Variants in VWA3B observed in about 807,000 individuals in gnomAD.
VWA3B encodes the protein von Willebrand factor A domain-containing protein 3B.
A neutral mutation model predicts 158.3 loss-of-function variants in VWA3B; 138 were observed. The ratio of observed to expected loss-of-function variants is 0.87; its 90% CI spans 0.76 to 1.00. The LOEUF is 1.00. VWA3B is among the 50% of genes least tolerant of loss of function. The pLI is 0.00. For missense variants in VWA3B, 1,555 were observed against 1,565.1 expected, an observed-to-expected ratio of 0.99 and a Z score of 0.11; for synonymous variants, 596 against 587.3, an observed-to-expected ratio of 1.01 and a Z score of -0.21.
intron 8 of VWA3B, among the ~76,000 whole-genome samples, chr2:98,167,295 A>G (rs1679164796): frequency 6.6e-6 from 1 of 152,118 alleles, no homozygotes; most frequent in Admixed American, 6.6e-5. Flanking sequence ...AGGTGAGAAG[A>G]AGGTGAGGCC....
intron 7 of VWA3B, among the ~76,000 whole-genome samples, chr2:98,147,967 T>G (rs1677311540): frequency 6.6e-6 from 1 of 152,040 alleles, no homozygotes; most frequent in South Asian, 2.1e-4. Flanking sequence ...GTGTTTGGTT[T>G]TTAGTCCTTG....
intron 22 of VWA3B, among the ~76,000 whole-genome samples, chr2:98,282,376 T>C (rs562294887): frequency 6.6e-6 from 1 of 151,646 alleles, no homozygotes; most frequent in Admixed American, 6.6e-5. Context: ...CAACCAGAAA[T>C]GAATTCTTGC....
At chr2:98,261,743 A>G (rs749424015) in intron 21 of VWA3B, among the ~76,000 whole-genome samples, 1 of 151,696 alleles carries the variant, frequency 6.6e-6, no homozygotes, top group Non-Finnish European at 1.5e-5. Flanking sequence ...TCTGGCTTCC[A>G]TAGTTGATGA....
At chr2:98,090,772 T>G (rs1478666900) in intron 1 of VWA3B, among the ~76,000 whole-genome samples, 1 of 151,992 alleles carries the variant, frequency 6.6e-6, no homozygotes, top group African/African-American at 2.4e-5. Context: ...TGAGTCTCGC[T>G]AAAGACAAGT....
intron 9 of VWA3B, 73 bp from the exon 10 acceptor site, chr2:98,187,902 C>A: frequency 6.8e-7 from 1 of 1,464,014 alleles, no homozygotes; most frequent in African/African-American, 1.4e-5. Flanking sequence ...TACGACAGAG[C>A]TTAAGGTGCC....
rs150672693 is a variant in VWA3B at position 98,104,527 on chromosome 2, C to T, written c.197-11125C>T. On this transcript the variant is annotated intron_variant, in intron 2 of 27. Coordinates refer to ENST00000477737, the MANE Select transcript of VWA3B (RefSeq NM_144992.5). ...ACCAAGCCATTCATGAGGGATCTGT[C>T]GCCGTGATCCAAACACTTCCCATTA... 1.0e-3 allele frequency among the ~76,000 whole-genome samples: 152 copies of T among 152,262 alleles called. 1 individual carries two copies. In the East Asian group the frequency reaches 0.02, roughly 20 times the overall value.
chr2:98,179,779 C>CTTTCTTT (rs1333544055), intron 8 of VWA3B, among the ~76,000 whole-genome samples: 1 of 90,884 alleles, frequency 1.1e-5, no homozygotes, highest in Non-Finnish European at 2.3e-5. Flanking sequence ...CTCTTTCTTT[C>CTTTCTTT]TCTTTCTTTT....
intron 21 of VWA3B, among the ~76,000 whole-genome samples, chr2:98,261,967 T>C (rs1258454844): frequency 6.6e-6 from 1 of 151,736 alleles, no homozygotes; most frequent in Non-Finnish European, 1.5e-5. Context: ...CTATTTTGTT[T>C]TGTTTTTGTA....
intron 7 of VWA3B, among the ~76,000 whole-genome samples, chr2:98,155,150 A>G (rs1677953609): frequency 6.6e-6 from 1 of 152,216 alleles, no homozygotes; most frequent in Admixed American, 6.5e-5. Context: ...GCCGATTCCA[A>G]TACAGGCAGA....
At chr2:98,148,764 A>T (rs999346294) in intron 7 of VWA3B, among the ~76,000 whole-genome samples, 1 of 152,132 alleles carries the variant, frequency 6.6e-6, no homozygotes, top group African/African-American at 2.4e-5. Flanking sequence ...TACCCTTTGT[A>T]ATATATTATA....
chr2:98,126,723 G>A (rs139858904), intron 5 of VWA3B, among the ~76,000 whole-genome samples: 33 of 152,210 alleles, frequency 2.2e-4, no homozygotes, highest in Admixed American at 7.8e-4. Flanking sequence ...TTTACTGCTC[G>A]ATCAGTACTT....
intron 8 of VWA3B, among the ~76,000 whole-genome samples, chr2:98,175,714 A>G (rs1421455722): frequency 1.3e-5 from 2 of 152,238 alleles, no homozygotes. Context: ...CCCATCCAAG[A>G]AGCAAAATGG....
Position 98,270,926 on chromosome 2 carries a change from A to G in VWA3B, c.3045+43A>G, listed in dbSNP as rs190244317. On this transcript the variant is annotated intron_variant, in intron 22 of 27. Transcript: ENST00000477737. ...CTCTGTCTTTCCTCCCTCTCTGCCT[A>G]TCCCAAGTCATTGCCATTCCTACAT... The G allele has an allele frequency of 5.0e-6, 8 of 1,585,748 alleles. No homozygotes were observed. In the African/African-American group the frequency reaches 1.1e-4, roughly 21 times the overall value.
At chr2:98,151,937 T>C (rs150734517) in intron 7 of VWA3B, among the ~76,000 whole-genome samples, 2 of 152,370 alleles carry the variant, frequency 1.3e-5, no homozygotes, top group African/African-American at 4.8e-5. Context: ...CCAAAAGGAT[T>C]TGGCAGCCTG....
At chr2:98,221,191 A>G (rs991669603) in intron 14 of VWA3B, among the ~76,000 whole-genome samples, 2 of 152,098 alleles carry the variant, frequency 1.3e-5, no homozygotes, top group African/African-American at 2.4e-5. Context: ...TCCCTTGGCA[A>G]TGAGTCCTTG....
At chr2:98,311,735 A>G (rs776332230) in intron 26 of VWA3B, 84 bp from the exon 27 acceptor site, 25 of 1,432,736 alleles carry the variant, frequency 1.7e-5, no homozygotes, top group Non-Finnish European at 2.2e-5. Context: ...AGGAGCTGAG[A>G]AGCAGCCGTG....
chr2:98,300,124 G>T lies in VWA3B; in HGVS notation c.3328G>T (p.Asp1110Tyr), dbSNP rs766118464. The T allele has an allele frequency of 1.9e-6, 3 of 1,614,104 alleles. No individual in the cohort carries two copies. The highest frequency in any genetic ancestry group is 2.5e-6 in the Non-Finnish European group (3 of 1,180,044). ...FAKIVIPKGF[D>Y]FYVPAIVIAL... ...CAAAATTGTGATACCCAAAGGATTT[G>T]ACTTCTATGTCCCTGCCATTGTCAT... is the stretch of plus-strand genomic sequence containing the variant. The change falls in exon 25 of 28, where the codon GAC becomes TAC. Residue 1110 changes from aspartate (D) to tyrosine (Y), a missense_variant. Asp to Tyr is a radical substitution (Grantham distance 160). Coordinates refer to ENST00000477737, the MANE Select transcript of VWA3B (RefSeq NM_144992.5).
intron 3 of VWA3B, among the ~76,000 whole-genome samples, chr2:98,117,057 C>T (rs1012398044): frequency 2.6e-5 from 4 of 152,272 alleles, no homozygotes; most frequent in South Asian, 4.1e-4. Flanking sequence ...CCACCTTCTC[C>T]TGTATCTTTA....
intron 5 of VWA3B, among the ~76,000 whole-genome samples, chr2:98,122,378 C>G (rs1297700588): frequency 6.6e-6 from 1 of 152,230 alleles, no homozygotes; most frequent in Admixed American, 6.5e-5. Context: ...GAGAAAGAAG[C>G]CACGTGTTGG....
Sources: gnomAD v4.1 joint callset for allele counts (sites outside exome capture counted in the v4.1 genomes callset) on GRCh38, gnomAD v4.1.1 for gene constraint, MANE v1.5 for transcripts, NCBI Gene and HGNC (gene_info 2026-07-23, HGNC 2026-07-21) for gene names.